The following SIL1 variants were observed in gnomAD, a reference collection of about 807,000 sequenced individuals.
SIL1 encodes nucleotide exchange factor SIL1.
A neutral mutation model predicts 49.1 loss-of-function variants in SIL1; 40 were observed. The ratio of observed to expected loss-of-function variants is 0.81; its 90% CI spans 0.63 to 1.06. The LOEUF is 1.06. Among genes scored for constraint, SIL1 ranks in the 50% least tolerant of loss-of-function variants. SIL1 has a pLI of 0.00. For missense variants in SIL1, 500 were observed against 572.6 expected (o/e 0.87, Z 1.29); for synonymous variants, 253 against 250.8 (o/e 1.01, Z -0.08).
At chr5:139,058,597 T>C (rs1006372905) in intron 3 of SIL1, among the ~76,000 whole-genome samples, 1 of 152,236 alleles carries the variant, frequency 6.6e-6, no homozygotes, top group African/African-American at 2.4e-5. Flanking sequence ...GGATATTTTA[T>C]TCTATGGGTC....
At position 138,951,166 on chromosome 5, in the gene SIL1, C is replaced by T; in HGVS notation, c.1029+5G>A. The T allele has an allele frequency of 6.2e-7, 1 of 1,610,896 alleles. No homozygotes were observed. Among genetic ancestry groups the T allele is most frequent in the Non-Finnish European group, 8.5e-7 (1 of 1,178,596 alleles). On this transcript the variant is annotated splice_donor_5th_base_variant and intron_variant, in intron 9 of 9. Transcript: ENST00000394817. ...AGAGGAGACTGGGTGGGCCTGGGCA[C>T]TCACCTTCTCCGTGACCAGGTCGTA...
chr5:138,974,590 C>A (rs1767353834), intron 7 of SIL1, among the ~76,000 whole-genome samples: 4 of 152,166 alleles, frequency 2.6e-5, no homozygotes. Context: ...TTGGGAGTTG[C>A]CCAAACTTCT....
intron 7 of SIL1, among the ~76,000 whole-genome samples, chr5:138,954,631 G>T (rs922430085): frequency 3.9e-5 from 6 of 152,254 alleles, no homozygotes; most frequent in Non-Finnish European, 8.8e-5. Context: ...AAGGTTTCCT[G>T]AGCAATCACC....
At chr5:139,191,221 CAAAAAAAAAAAA>C (rs773259762) in intron 1 of SIL1, among the ~76,000 whole-genome samples, 1 of 67,900 alleles carries the variant, frequency 1.5e-5, no homozygotes, top group Admixed American at 1.8e-4. Flanking sequence ...GACTCTGTCT[CAAAAAAAAAAAA>C]AAAAAAAAAA....
intron 3 of SIL1, among the ~76,000 whole-genome samples, chr5:139,113,914 G>A (rs1231370230): frequency 1.3e-5 from 2 of 152,230 alleles, no homozygotes; most frequent in Non-Finnish European, 2.9e-5. Flanking sequence ...CAACCTTTGA[G>A]AGTTGAGGCT....
chr5:138,989,276 T>A (rs1393987996), intron 7 of SIL1, among the ~76,000 whole-genome samples: 1 of 152,190 alleles, frequency 6.6e-6, no homozygotes, highest in African/African-American at 2.4e-5. Context: ...CAGCCAGGCA[T>A]GGTGGCTCAC....
At chr5:138,968,319 G>C (rs1054615222) in intron 7 of SIL1, among the ~76,000 whole-genome samples, 1 of 152,132 alleles carries the variant, frequency 6.6e-6, no homozygotes. Context: ...CAGGCTCAGC[G>C]TTTCCATTCA....
In SIL1 at chr5:139,003,702, AAGAG is replaced by A. The variant is rs1303310123; in HGVS notation, c.767+17465_767+17468del. ...AGGACATTAAAAATAAAAACAGAGA[AAGAG>A]AGAGAAACTGAAAGCTGGTAGGAGG... is the stretch of plus-strand genomic sequence containing the variant. On this transcript the variant is annotated intron_variant, in intron 7 of 9. Transcript: ENST00000394817. Among the ~76,000 whole-genome samples the A allele has an allele frequency of 4.6e-5, 7 of 152,306 alleles. No individual in the cohort carries two copies. In the East Asian group the frequency reaches 1.4e-3, roughly 29 times the overall value.
intron 7 of SIL1, among the ~76,000 whole-genome samples, chr5:138,986,891 A>G (rs938050182): frequency 6.6e-6 from 1 of 152,148 alleles, no homozygotes; most frequent in Non-Finnish European, 1.5e-5. Flanking sequence ...TGACATTGTA[A>G]AATAATTCCT....
rs554441947 is a variant in SIL1 at position 139,187,208 on chromosome 5, G to A, written c.-11+11061C>T. ...ACATCAGGTAAGGCTCACTGAAGGC[G>A]GCAGCTCTGCAGCATAAAGTAGGGA... On this transcript the variant is annotated intron_variant, in intron 1 of 9. Coordinates refer to ENST00000394817, the MANE Select transcript of SIL1 (RefSeq NM_022464.5). Among the ~76,000 whole-genome samples, 396 of 152,240 alleles carry A rather than the reference G, an allele frequency of 2.6e-3. 1 individual carries two copies. Among genetic ancestry groups the A allele is most frequent in the African/African-American group, 9.4e-3 (389 of 41,550 alleles).
At chr5:139,139,335 T>A (rs1751036988) in intron 1 of SIL1, among the ~76,000 whole-genome samples, 1 of 152,160 alleles carries the variant, frequency 6.6e-6, no homozygotes, top group African/African-American at 2.4e-5. Flanking sequence ...AGATCAGAAT[T>A]CATCTTTCCT....
intron 3 of SIL1, among the ~76,000 whole-genome samples, chr5:139,088,298 C>T (rs1317762897): frequency 1.3e-5 from 2 of 152,226 alleles, no homozygotes; most frequent in Admixed American, 6.5e-5. Flanking sequence ...GATACATTTT[C>T]AAAATCCAAA....
intron 5 of SIL1, among the ~76,000 whole-genome samples, chr5:139,029,341 A>T (rs540535346): frequency 3.9e-4 from 60 of 152,328 alleles, no homozygotes; most frequent in African/African-American, 1.4e-3. Context: ...AAATTAGGAA[A>T]GTGATAAAAA....
At chr5:138,958,536 A>T (rs145779661) in intron 7 of SIL1, among the ~76,000 whole-genome samples, 210 of 152,254 alleles carry the variant, frequency 1.4e-3, no homozygotes, top group African/African-American at 4.7e-3. Flanking sequence ...ATCATTGACA[A>T]TTCTTGCTTA....
chr5:139,180,654 T>C (rs1020509872), intron 1 of SIL1, among the ~76,000 whole-genome samples: 2 of 152,148 alleles, frequency 1.3e-5, no homozygotes, highest in Admixed American at 1.3e-4. Flanking sequence ...CAGTTTGTTG[T>C]AGGGAGCAAA....
intron 3 of SIL1, among the ~76,000 whole-genome samples, chr5:139,105,212 C>T (rs1770674105): frequency 6.6e-6 from 1 of 151,830 alleles, no homozygotes; most frequent in Non-Finnish European, 1.5e-5. Flanking sequence ...AAGAGGGGGG[C>T]GATATGTGGG....
At position 138,974,745 on chromosome 5, in the gene SIL1, G is replaced by A. The variant is rs564623321; in HGVS notation, c.768-22861C>T. ...TCCTCTCTCGGTCTCACTCAGAGTC[G>A]GTGAGCACAATGATGATGATGATAT... On this transcript the variant is annotated intron_variant, in intron 7 of 9. Coordinates refer to ENST00000394817, the MANE Select transcript of SIL1 (RefSeq NM_022464.5). Among the ~76,000 whole-genome samples the A allele has an allele frequency of 1.4e-4, 21 of 152,254 alleles. No homozygotes were observed. In the South Asian group the frequency reaches 2.5e-3, roughly 18 times the overall value.
chr5:139,096,961 C>A (rs114407101), intron 3 of SIL1, among the ~76,000 whole-genome samples: 1 of 152,020 alleles, frequency 6.6e-6, no homozygotes. Flanking sequence ...GAGCCCACTG[C>A]GCTGAAGGGT....
At chr5:139,069,642 C>T (rs969944104) in intron 3 of SIL1, among the ~76,000 whole-genome samples, 2 of 152,056 alleles carry the variant, frequency 1.3e-5, no homozygotes, top group Non-Finnish European at 2.9e-5. Context: ...ATACTTAAAA[C>T]TATGTATTGA....
Sources: allele counts gnomAD v4.1 joint callset (sites outside exome capture counted in the v4.1 genomes callset), GRCh38; gene constraint gnomAD v4.1.1; transcripts MANE v1.5; gene names NCBI Gene and HGNC (gene_info 2026-07-23, HGNC 2026-07-21).